IPPK: variants seen among roughly 807,000 people sequenced by gnomAD.
The protein encoded by IPPK is inositol-pentakisphosphate 2-kinase.
In IPPK, 22 loss-of-function variants were observed where a neutral mutation model predicts 64.6. The ratio of observed to expected loss-of-function variants is 0.34; its 90% CI spans 0.24 to 0.49. IPPK has a LOEUF of 0.49. IPPK is among the 20% of genes least tolerant of loss of function. IPPK has a pLI of 0.99. For missense variants in IPPK, 532 were observed against 630.7 expected, an observed-to-expected ratio of 0.84 and a Z score of 1.68; for synonymous variants, 262 against 247.2, an observed-to-expected ratio of 1.06 and a Z score of -0.56.
chr9:92,619,840 A>T (rs2131416237), intron 11 of IPPK: 1 of 488,214 alleles, frequency 2.0e-6, no homozygotes, highest in East Asian at 3.5e-5. Context: ...AGACCCTGAG[A>T]CGGATGATCT....
intron 11 of IPPK, chr9:92,620,646 C>G (rs867322840): frequency 2.1e-4 from 32 of 152,302 alleles, no homozygotes; most frequent in African/African-American, 7.0e-4. Flanking sequence ...ATCTGGCGTT[C>G]GAAAACATCC....
At chr9:92,632,044 AAG>A (rs1851855758) in intron 11 of IPPK, among the ~76,000 whole-genome samples, 1 of 152,220 alleles carries the variant, frequency 6.6e-6, no homozygotes, top group South Asian at 2.1e-4. Context: ...GCTGTTTAGC[AAG>A]AGTCTGTTCC....
At chr9:92,617,182 T>A (rs1198616944) in intron 12 of IPPK, 1 of 152,174 alleles carries the variant, frequency 6.6e-6, no homozygotes, top group East Asian at 1.9e-4. Context: ...CTGCAGCTCA[T>A]CCCAAGGGGC....
chr9:92,658,581 A>G, intron 2 of IPPK, 53 bp downstream of exon 2: 1 of 1,438,662 alleles, frequency 7.0e-7, no homozygotes, highest in Non-Finnish European at 9.7e-7. Flanking sequence ...AAAAAAAATC[A>G]GAGTTTTCTT....
intron 11 of IPPK, among the ~76,000 whole-genome samples, chr9:92,624,715 G>A (rs1851703585): frequency 6.6e-6 from 1 of 151,354 alleles, no homozygotes; most frequent in Non-Finnish European, 1.5e-5. Context: ...TGTTATTTGA[G>A]GACCTGCTGT....
At chr9:92,618,631 T>G (rs1334958465) in intron 12 of IPPK, 2 of 449,602 alleles carry the variant, frequency 4.4e-6, no homozygotes, top group Admixed American at 4.7e-5. Context: ...TGTAGGTATT[T>G]CCTTAGGGGA....
At chr9:92,642,683 C>T (rs1445122282) in intron 7 of IPPK, 69 bp downstream of exon 7, 1 of 1,354,170 alleles carries the variant, frequency 7.4e-7, no homozygotes, top group African/African-American at 1.4e-5. Flanking sequence ...CCCCACCAGG[C>T]ACTGGCCCCC....
rs149103749 is a variant in IPPK, at chr9:92,623,027, G to T, written c.1171-3462C>A. 4.7e-3 allele frequency among the ~76,000 whole-genome samples: 709 copies of T among 152,226 alleles called. 6 individuals carry two copies. The highest frequency in any genetic ancestry group is 7.4e-3 in the Non-Finnish European group (500 of 68,014). ...AAACAATAAATTTTCTAAAGATATGGCAGGAAAATATCTTCAGGACCTTAA... is the reference window on the plus strand; with the variant it reads ...AAACAATAAATTTTCTAAAGATATGTCAGGAAAATATCTTCAGGACCTTAA... On this transcript the variant is annotated intron_variant, in intron 11 of 12. Transcript: ENST00000287996.
intron 3 of IPPK, among the ~76,000 whole-genome samples, chr9:92,654,395 T>G (rs1852330071): frequency 6.6e-6 from 1 of 151,934 alleles, no homozygotes; most frequent in African/African-American, 2.4e-5. Flanking sequence ...TGCGCACCAG[T>G]AGTCCCAGCT....
intron 12 of IPPK, chr9:92,618,972 G>A (rs1851535709): frequency 3.7e-6 from 1 of 272,132 alleles, no homozygotes. Flanking sequence ...GAAACAGAGG[G>A]GACTGGACAA....
intron 3 of IPPK, among the ~76,000 whole-genome samples, chr9:92,655,313 C>T (rs1852349910): frequency 1.3e-5 from 2 of 152,248 alleles, no homozygotes; most frequent in African/African-American, 2.4e-5. Context: ...TCTGCACCTA[C>T]TTTCCCACTG....
intron 1 of IPPK, among the ~76,000 whole-genome samples, chr9:92,661,972 A>G (rs1349613742): frequency 6.6e-6 from 1 of 152,202 alleles, no homozygotes; most frequent in African/African-American, 2.4e-5. Context: ...AAAACACTGT[A>G]GCAGCTCTCA....
intron 1 of IPPK, among the ~76,000 whole-genome samples, chr9:92,660,945 A>C (rs934216195): frequency 6.6e-6 from 1 of 152,378 alleles, no homozygotes. Flanking sequence ...AACCATACAC[A>C]GGTCCCAGGA....
chr9:92,634,067 G>A (rs1851892748), intron 11 of IPPK, among the ~76,000 whole-genome samples: 1 of 152,226 alleles, frequency 6.6e-6, no homozygotes, highest in Non-Finnish European at 1.5e-5. Flanking sequence ...TTGTAGCAAG[G>A]GACAGTTGGC....
intron 12 of IPPK, chr9:92,618,364 C>G: frequency 2.2e-6 from 1 of 456,730 alleles, no homozygotes; most frequent in South Asian, 1.5e-5. Flanking sequence ...CTTCAGCTTT[C>G]CCCGCATGCT....
Position 92,620,669 on chromosome 9 carries a change from C to A in IPPK, c.1171-1104G>T, listed in dbSNP as rs1158875244. On this transcript the variant is annotated intron_variant, in intron 11 of 12. Transcript: ENST00000287996. ...TTCGAAAACATCCAAGCTGCACTTTCCAAAGGGCAGGACTGGATGGGAGGG... is the reference window on the plus strand; with the variant it reads ...TTCGAAAACATCCAAGCTGCACTTTACAAAGGGCAGGACTGGATGGGAGGG... The A allele has an allele frequency of 2.0e-5, 3 of 152,180 alleles. No individual in the cohort carries two copies. In the East Asian group the frequency reaches 5.8e-4, roughly 29 times the overall value. The allele number at this position is 152,180 out of a possible 1,614,324, so 9.4% of individuals were successfully genotyped here. A position where few individuals can be genotyped will look rare whatever the true frequency, so the allele number is the denominator to read the frequency against.
At chr9:92,649,323 T>A in intron 5 of IPPK, 130 bp downstream of exon 5, 1 of 1,025,786 alleles carries the variant, frequency 9.7e-7, no homozygotes, top group South Asian at 1.6e-5. Flanking sequence ...ACAAGTGGAG[T>A]TTCCAGGAGC....
intron 12 of IPPK, chr9:92,618,534 G>A (rs777908768): frequency 2.2e-5 from 10 of 456,678 alleles, no homozygotes; most frequent in Middle Eastern, 3.3e-4. Context: ...TGGTCGGGGG[G>A]CTGCTGAACA....
intron 9 of IPPK, among the ~76,000 whole-genome samples, chr9:92,637,614 T>C (rs1851965636): frequency 6.6e-6 from 1 of 152,176 alleles, no homozygotes. Context: ...CCCTGCAGGA[T>C]TTCTGTGCCT....
Sources: allele counts gnomAD v4.1 joint callset (sites outside exome capture counted in the v4.1 genomes callset), GRCh38; gene constraint gnomAD v4.1.1; transcripts MANE v1.5; gene names NCBI Gene and HGNC (gene_info 2026-07-23, HGNC 2026-07-21).